RAB10: variants seen among roughly 807,000 people sequenced by gnomAD.
RAB10 encodes RAB10, member RAS oncogene family, also known as ras-related protein Rab-10.
In RAB10, 5 loss-of-function variants were observed where a neutral mutation model predicts 25.7. The ratio of observed to expected loss-of-function variants is 0.19; its 90% CI spans 0.10 to 0.41. The LOEUF (loss-of-function observed/expected upper bound fraction) is 0.41, where lower values mean the gene tolerates loss of function less well. Among genes scored for constraint, RAB10 ranks in the 10% least tolerant of loss-of-function variants. RAB10 has a pLI of 1.00. For synonymous variants in RAB10, 89 were observed against 86.4 expected (o/e 1.03, Z -0.16); for missense variants, 103 against 245.8 (o/e 0.42, Z 3.89).
chr2:26,101,498 G>C (rs759185517), intron 2 of RAB10: 1 of 152,316 alleles, frequency 6.6e-6, no homozygotes, highest in African/African-American at 2.4e-5. Context: ...TGGCAAAGGT[G>C]CCTAGGGTAG....
chr2:26,120,537 A>G (rs1244637194), intron 3 of RAB10, among the ~76,000 whole-genome samples: 1 of 152,186 alleles, frequency 6.6e-6, no homozygotes, highest in Non-Finnish European at 1.5e-5. Context: ...GCAGTAACAT[A>G]AATTAAGAGG....
At chr2:26,108,364 C>CAGA (rs1667507497) in intron 2 of RAB10, among the ~76,000 whole-genome samples, 4 of 152,148 alleles carry the variant, frequency 2.6e-5, no homozygotes, top group Non-Finnish European at 5.9e-5. Flanking sequence ...GAGAGGACTT[C>CAGA]AAGAGCATTA....
At chr2:26,055,110 G>A (rs932129043) in intron 1 of RAB10, among the ~76,000 whole-genome samples, 5 of 151,572 alleles carry the variant, frequency 3.3e-5, no homozygotes, top group African/African-American at 1.2e-4. Flanking sequence ...CTTTTAATAT[G>A]TTAGGCACCC....
chr2:26,122,910 G>T (rs1214627395), intron 3 of RAB10, among the ~76,000 whole-genome samples: 1 of 151,952 alleles, frequency 6.6e-6, no homozygotes, highest in Admixed American at 6.6e-5. Flanking sequence ...AGGGAGGGGG[G>T]CAGGCCACAA....
intron 1 of RAB10, among the ~76,000 whole-genome samples, chr2:26,084,091 T>C (rs1426563867): frequency 6.6e-6 from 1 of 152,210 alleles, no homozygotes; most frequent in Admixed American, 6.5e-5. Flanking sequence ...CATATTTGCA[T>C]GTCAAATCCA....
intron 1 of RAB10, among the ~76,000 whole-genome samples, chr2:26,070,078 T>C (rs143185646): frequency 2.0e-3 from 301 of 152,374 alleles, no homozygotes; most frequent in African/African-American, 6.7e-3. Flanking sequence ...ATATTCACTC[T>C]GCATTGTGTT....
intron 1 of RAB10, among the ~76,000 whole-genome samples, chr2:26,058,735 C>G (rs1308999586): frequency 1.3e-5 from 2 of 152,184 alleles, no homozygotes; most frequent in Non-Finnish European, 2.9e-5. Flanking sequence ...AGGTACTTAA[C>G]TTGTGTGGCA....
intron 1 of RAB10, among the ~76,000 whole-genome samples, chr2:26,088,372 T>G (rs1667030643): frequency 6.6e-6 from 1 of 152,182 alleles, no homozygotes; most frequent in African/African-American, 2.4e-5. Flanking sequence ...AGTGAGAATT[T>G]CCTTTAGTGT....
chr2:26,077,187 A>T (rs1305448019), intron 1 of RAB10, among the ~76,000 whole-genome samples: 1 of 152,214 alleles, frequency 6.6e-6, no homozygotes, highest in South Asian at 2.1e-4. Context: ...TTGATTTTTT[A>T]AAAAATCGTG....
intron 1 of RAB10, among the ~76,000 whole-genome samples, chr2:26,054,472 G>C (rs1434814112): frequency 6.6e-6 from 1 of 152,196 alleles, no homozygotes; most frequent in African/African-American, 2.4e-5. Context: ...TTATAGGCGT[G>C]AGCCACCACA....
chr2:26,122,210 A>G (rs1284431744), intron 3 of RAB10, among the ~76,000 whole-genome samples: 1 of 152,256 alleles, frequency 6.6e-6, no homozygotes, highest in Non-Finnish European at 1.5e-5. Context: ...TAAATAAAAG[A>G]AAATTTGTGA....
chr2:26,087,699 G>A (rs560075699), intron 1 of RAB10, among the ~76,000 whole-genome samples: 15 of 152,326 alleles, frequency 9.8e-5, no homozygotes, highest in African/African-American at 3.4e-4. Context: ...ACCACGCCCA[G>A]CCTTTCTGCT....
chr2:26,056,085 C>G (rs767396974), intron 1 of RAB10, among the ~76,000 whole-genome samples: 2 of 151,670 alleles, frequency 1.3e-5, no homozygotes, highest in Non-Finnish European at 2.9e-5. Flanking sequence ...GAGATGAGAT[C>G]TCTCTATGTT....
intron 1 of RAB10, among the ~76,000 whole-genome samples, chr2:26,063,000 G>T (rs1394532455): frequency 6.7e-6 from 1 of 150,224 alleles, no homozygotes; most frequent in African/African-American, 2.5e-5. Context: ...CTATAATCCC[G>T]GCTGCTCGGG....
rs141551154 is a variant in RAB10, at chr2:26,124,980, A to G, written c.328-2164A>G. ...CTGAATAATATTCCATTGTTTTTAT[A>G]TGCCATGTTCTGTTTATTCATTCAC... On this transcript the variant is annotated intron_variant, in intron 3 of 5. Transcript: ENST00000264710. Among the ~76,000 whole-genome samples, 118 of 152,260 alleles carry G rather than the reference A, an allele frequency of 7.7e-4. 1 individual carries two copies. In the Middle Eastern group the frequency reaches 0.014, roughly 18 times the overall value.
chr2:26,112,407 A>G (rs1667592320), intron 3 of RAB10, among the ~76,000 whole-genome samples: 1 of 152,096 alleles, frequency 6.6e-6, no homozygotes, highest in East Asian at 1.9e-4. Flanking sequence ...ATTAGCATAA[A>G]CTCATTATAG....
At chr2:26,099,576 TGTCGC>T (rs1667300524) in intron 2 of RAB10, among the ~76,000 whole-genome samples, 1 of 133,708 alleles carries the variant, frequency 7.5e-6, no homozygotes, top group Non-Finnish European at 1.5e-5. Flanking sequence ...AGTCTCGCTC[TGTCGC>T]CCATGCTGGA....
chr2:26,034,758 G>A, intron 1 of RAB10, 23 bp downstream of exon 1: 3 of 1,613,972 alleles, frequency 1.9e-6, no homozygotes, highest in Non-Finnish European at 2.5e-6. Context: ...GGAGGACGGT[G>A]TACGGTCTCG....
rs182869471 is a variant in RAB10, at chr2:26,079,930, G to A, written c.128-18732G>A. Among the ~76,000 whole-genome samples, 950 of 152,300 alleles carry A rather than the reference G, an allele frequency of 6.2e-3. 3 individuals are homozygous for A. Among genetic ancestry groups the A allele is most frequent in the African/African-American group, 0.022 (917 of 41,560 alleles). On this transcript the variant is annotated intron_variant, in intron 1 of 5. Coordinates refer to ENST00000264710, the MANE Select transcript of RAB10 (RefSeq NM_016131.5). ...CTGCCTCAGCCTCCCAAAGTGCTGG[G>A]ATTATAGATGTGAGCCACTGCTCCC...
Sources: allele counts gnomAD v4.1 joint callset (sites outside exome capture counted in the v4.1 genomes callset), GRCh38; gene constraint gnomAD v4.1.1; transcripts MANE v1.5; gene names NCBI Gene and HGNC (gene_info 2026-07-23, HGNC 2026-07-21).